Variants in DNAJB11 observed in about 807,000 individuals in gnomAD.
The protein encoded by DNAJB11 is DnaJ heat shock protein family (Hsp40) member B11, also known as dnaJ homolog subfamily B member 11.
Under a neutral mutation model 47.2 loss-of-function variants are expected in DNAJB11, and 30 were observed. The ratio of observed to expected loss-of-function variants is 0.64; its 90% CI spans 0.48 to 0.86. The LOEUF (loss-of-function observed/expected upper bound fraction) is 0.86, where lower values mean the gene tolerates loss of function less well. Among genes scored for constraint, DNAJB11 ranks in the 40% least tolerant of loss-of-function variants. The pLI, the probability that DNAJB11 is intolerant of heterozygous loss-of-function variation, is 0.00. For missense variants in DNAJB11, 357 were observed against 440.2 expected (o/e 0.81, Z 1.69); for synonymous variants, 151 against 159.9 (o/e 0.94, Z 0.42).
At chr3:186,578,637 G>C (rs758585045) in intron 4 of DNAJB11, 5 of 152,104 alleles carry the variant, frequency 3.3e-5, no homozygotes, top group Non-Finnish European at 7.4e-5. Context: ...ATTAGGATCA[G>C]CATCTCTTCC....
At chr3:186,581,562 C>A (rs1417396121) in intron 5 of DNAJB11, 49 bp downstream of exon 5, 2 of 1,590,990 alleles carry the variant, frequency 1.3e-6, no homozygotes, top group Admixed American at 1.7e-5. Context: ...TTGTTAATTT[C>A]GTTCATCTAG....
chr3:186,576,043 C>A, intron 3 of DNAJB11, 106 bp downstream of exon 3: 1 of 718,990 alleles, frequency 1.4e-6, no homozygotes, highest in South Asian at 1.8e-5. Context: ...ATGAACAGTA[C>A]AATTTAGCTG....
chr3:186,576,272 T>C (rs1715290898), intron 3 of DNAJB11, among the ~76,000 whole-genome samples: 1 of 152,188 alleles, frequency 6.6e-6, no homozygotes, highest in African/African-American at 2.4e-5. Context: ...AAATTATTGT[T>C]AGCAGAGATA....
intron 5 of DNAJB11, 40 bp downstream of exon 5, chr3:186,581,553 T>A: frequency 6.3e-7 from 1 of 1,598,722 alleles, no homozygotes; most frequent in South Asian, 1.1e-5. Context: ...AAGAAACACT[T>A]GTTAATTTCG....
At chr3:186,575,959 A>G (rs992292145) in intron 3 of DNAJB11, 22 bp downstream of exon 3, 1 of 1,545,246 alleles carries the variant, frequency 6.5e-7, no homozygotes. Context: ...ACCCATCTGC[A>G]AAGTGTTAGT....
In DNAJB11 at chr3:186,570,795, C is replaced by A. The variant is rs368637259; in HGVS notation, c.-103C>A. On this transcript the variant is annotated 5_prime_UTR_variant, in exon 1 of 10. Coordinates refer to ENST00000265028, the MANE Select transcript of DNAJB11 (RefSeq NM_016306.6). ...GGACCAAGGAGACCCCCGCGCCCCC[C>A]CGGTGTGAGGCGGCCTCACAGGGCC... The A allele has an allele frequency of 5.4e-5, 59 of 1,088,238 alleles. No individual in the cohort carries two copies. The South Asian group carries it at 7.1e-4, about 13-fold the overall frequency. 67.4% of individuals were successfully genotyped at this position (1,088,238 alleles called of 1,614,324 possible).
intron 7 of DNAJB11, among the ~76,000 whole-genome samples, chr3:186,583,434 T>C (rs562647574): frequency 6.6e-6 from 1 of 152,342 alleles, no homozygotes; most frequent in African/African-American, 2.4e-5. Flanking sequence ...CTGGAACATG[T>C]GTTGTTTCCT....
intron 7 of DNAJB11, among the ~76,000 whole-genome samples, chr3:186,583,498 C>T (rs1160936018): frequency 2.6e-5 from 4 of 152,168 alleles, no homozygotes; most frequent in African/African-American, 4.8e-5. Context: ...CACTCTATTT[C>T]CCCTTCCCTC....
Position 186,584,854 on chromosome 3 carries a change from A to G in DNAJB11, c.1012+265A>G, listed in dbSNP as rs147279992. ...GAGTATATGGGAGTGAAACAGAATCACTTAAAACAAATGAACTGGACCACA... is the reference window on the plus strand; with the variant it reads ...GAGTATATGGGAGTGAAACAGAATCGCTTAAAACAAATGAACTGGACCACA... On this transcript the variant is annotated intron_variant, in intron 9 of 9. Coordinates refer to ENST00000265028, the MANE Select transcript of DNAJB11 (RefSeq NM_016306.6). Among the ~76,000 whole-genome samples, 332 of 152,288 alleles carry G rather than the reference A, an allele frequency of 2.2e-3. 1 individual carries two copies. The highest frequency in any genetic ancestry group is 7.6e-3 in the African/African-American group (315 of 41,564).
chr3:186,579,591 AGAT>A (rs1157003792), intron 4 of DNAJB11: 2 of 152,232 alleles, frequency 1.3e-5, no homozygotes, highest in African/African-American at 4.8e-5. Context: ...TTTGTGGGGC[AGAT>A]GATAGACCTT....
intron 5 of DNAJB11, 106 bp downstream of exon 5, chr3:186,581,619 C>T (rs1421781762): frequency 2.0e-5 from 25 of 1,251,618 alleles, no homozygotes; most frequent in Non-Finnish European, 2.7e-5. Context: ...CCCCTCCCCA[C>T]TGCCATGTTC....
At chr3:186,581,279 G>C (rs1715473765) in intron 4 of DNAJB11, 92 bp from the exon 5 acceptor site, 2 of 1,434,954 alleles carry the variant, frequency 1.4e-6, no homozygotes, top group Admixed American at 4.1e-5. Flanking sequence ...GGAAGTTTCA[G>C]TCCAGGCATA....
rs1715087606 is a variant in DNAJB11, at chr3:186,572,189, G to A, written c.163G>A (p.Asp55Asn). The change falls in exon 2 of 10, where the codon GAC (aspartate) becomes AAC (asparagine). Residue 55 changes from aspartate to asparagine, a missense_variant. Transcript: ENST00000265028. ...YRKLALQLHPDRNPDDPQAQE... is the reference protein window; with the variant it reads ...YRKLALQLHPNRNPDDPQAQE... Reference sequence around the variant, plus strand: ...GAAACTAGCCCTGCAGCTTCATCCCGACCGGAACCCTGATGATCCACAAGC... The same window carrying A: ...GAAACTAGCCCTGCAGCTTCATCCCAACCGGAACCCTGATGATCCACAAGC... 2 of 1,613,944 alleles carry A rather than the reference G, an allele frequency of 1.2e-6. No homozygotes were observed. Among genetic ancestry groups the A allele is most frequent in the Non-Finnish European group, 1.7e-6 (2 of 1,179,952 alleles).
intron 1 of DNAJB11, 30 bp downstream of exon 1, chr3:186,570,995 G>A (rs779703156): frequency 1.8e-5 from 25 of 1,407,220 alleles, no homozygotes; most frequent in Non-Finnish European, 2.3e-5. Context: ...AGACAACGGG[G>A]CCTGTGGGTC....
At position 186,583,973 on chromosome 3, in the gene DNAJB11, C is replaced by G. The variant is rs1171055058; in HGVS notation, c.849C>G (p.His283Gln). 1 of 1,606,726 alleles carries G rather than the reference C, an allele frequency of 6.2e-7. No individual in the cohort carries two copies. Among genetic ancestry groups the G allele is most frequent in the Admixed American group, 1.7e-5 (1 of 60,006 alleles). Reference sequence around the variant, plus strand: ...TGGATATTACTCACTTGGATGGTCACAAGGTAAACAAACCAATTTACTCGT... The same window carrying G: ...TGGATATTACTCACTTGGATGGTCAGAAGGTAAACAAACCAATTTACTCGT... ...FEMDITHLDG[H>Q]KVHISRDKIT... The change falls in exon 8 of 10, where the codon CAC becomes CAG. Residue 283 changes from histidine to glutamine, a missense_variant. By Grantham distance (24) the His-to-Gln change is conservative. Transcript: ENST00000265028.
At position 186,581,660 on chromosome 3, in the gene DNAJB11, T is replaced by G. The variant is rs960399900; in HGVS notation, c.599+147T>G. On this transcript the variant is annotated intron_variant, in intron 5 of 9. Coordinates refer to ENST00000265028, the MANE Select transcript of DNAJB11 (RefSeq NM_016306.6). ...AAGGATAGAGCAAAACAATGTACAT[T>G]TTTTTCTGAAGTATTTGTAAATATC... is the stretch of plus-strand genomic sequence containing the variant. 10 of 966,620 alleles carry G rather than the reference T, an allele frequency of 1.0e-5. No homozygotes were observed. The African/African-American group carries it at 1.7e-4, about 16-fold the overall frequency. The allele number at this position is 966,620 out of a possible 1,614,324, so 59.9% of individuals were successfully genotyped here.
intron 2 of DNAJB11, 91 bp downstream of exon 2, chr3:186,572,342 T>A: frequency 3.1e-6 from 2 of 647,706 alleles, no homozygotes; most frequent in Non-Finnish European, 4.0e-6. Context: ...AGCTCACATT[T>A]ATTTATTTAT....
At chr3:186,573,312 A>T (rs892057553) in intron 2 of DNAJB11, among the ~76,000 whole-genome samples, 1 of 152,168 alleles carries the variant, frequency 6.6e-6, no homozygotes, top group African/African-American at 2.4e-5. Flanking sequence ...AGTGAGTTAT[A>T]CCCAGGTGAA....
chr3:186,583,019 A>T (rs1715539813), intron 7 of DNAJB11, among the ~76,000 whole-genome samples: 3 of 152,396 alleles, frequency 2.0e-5, no homozygotes, highest in African/African-American at 7.2e-5. Flanking sequence ...AAGGAGTTAT[A>T]AAAGAGAAAC....
Sources: gnomAD v4.1 joint callset for allele counts (sites outside exome capture counted in the v4.1 genomes callset) on GRCh38, gnomAD v4.1.1 for gene constraint, MANE v1.5 for transcripts, NCBI Gene and HGNC (gene_info 2026-07-23, HGNC 2026-07-21) for gene names.